TMPRSS15: variants seen among roughly 807,000 people sequenced by gnomAD.
The protein encoded by TMPRSS15 is transmembrane serine protease 15.
A neutral mutation model predicts 125.3 loss-of-function variants in TMPRSS15; 128 were observed. The ratio of observed to expected loss-of-function variants is 1.02; its 90% confidence interval spans 0.89 to 1.18. The LOEUF is 1.18. TMPRSS15 is among the 50% of genes most tolerant of loss of function. The pLI, the probability that TMPRSS15 is intolerant of heterozygous loss-of-function variation, is 0.00. For synonymous variants in TMPRSS15, 446 were observed against 423.2 expected, an observed-to-expected ratio of 1.05 and a Z score of -0.66; for missense variants, 1,283 against 1,212.7, an observed-to-expected ratio of 1.06 and a Z score of -0.86.
intron 1 of TMPRSS15, among the ~76,000 whole-genome samples, chr21:18,436,464 A>G (rs2076228111): frequency 1.3e-5 from 2 of 152,056 alleles, no homozygotes; most frequent in African/African-American, 4.8e-5. Flanking sequence ...CTTAATCTTG[A>G]GTTCTAGTTT....
chr21:18,304,609 A>G (rs1176097486), intron 18 of TMPRSS15, among the ~76,000 whole-genome samples: 1 of 152,192 alleles, frequency 6.6e-6, no homozygotes, highest in African/African-American at 2.4e-5. Context: ...ATTATTAGCA[A>G]CATCTATAAT....
chr21:18,409,437 A>G (rs986598076), intron 1 of TMPRSS15, among the ~76,000 whole-genome samples: 1 of 152,082 alleles, frequency 6.6e-6, no homozygotes, highest in African/African-American at 2.4e-5. Flanking sequence ...ACTAGAATTC[A>G]TAATGGGGTT....
Position 18,315,056 on chromosome 21 carries a change from A to G in TMPRSS15, c.2032+90T>C, listed in dbSNP as rs1470397859. ...TTCCAAAGCATCAAAACAGGTCCTA[A>G]TAGACACAGTTATAATCTTTCTTTG... On this transcript the variant is annotated intron_variant, in intron 17 of 24. Transcript: ENST00000284885. 3.2e-5 allele frequency: 34 copies of G among 1,055,526 alleles called. No individual in the cohort carries two copies. The East Asian group carries it at 7.8e-4, about 24-fold the overall frequency. 65.4% of individuals were successfully genotyped at this position (1,055,526 alleles called of 1,614,324 possible). A position where few individuals can be genotyped will look rare whatever the true frequency, so the allele number is the denominator to read the frequency against.
intron 3 of TMPRSS15, among the ~76,000 whole-genome samples, chr21:18,391,841 C>T (rs1170232287): frequency 6.6e-6 from 1 of 152,242 alleles, no homozygotes; most frequent in Non-Finnish European, 1.5e-5. Context: ...TTCCATACAT[C>T]CTCTGAAATC....
chr21:18,362,635 GATTAA>G (rs1011692233), intron 7 of TMPRSS15, among the ~76,000 whole-genome samples: 3 of 151,934 alleles, frequency 2.0e-5, no homozygotes, highest in African/African-American at 4.8e-5. Context: ...TTTTTGAAGG[GATTAA>G]ATTAAATTTC....
At chr21:18,316,636 G>A (rs546844124) in intron 16 of TMPRSS15, among the ~76,000 whole-genome samples, 1 of 152,164 alleles carries the variant, frequency 6.6e-6, no homozygotes, top group Non-Finnish European at 1.5e-5. Context: ...GAAAAACCTG[G>A]GCAAAGAAGA....
intron 24 of TMPRSS15, among the ~76,000 whole-genome samples, chr21:18,272,091 T>C (rs960865413): frequency 6.6e-6 from 1 of 152,176 alleles, no homozygotes; most frequent in African/African-American, 2.4e-5. Context: ...AGTAAAGGGA[T>C]TGCTGGGTCA....
At chr21:18,408,874 T>G (rs1454889602) in intron 1 of TMPRSS15, among the ~76,000 whole-genome samples, 1 of 152,146 alleles carries the variant, frequency 6.6e-6, no homozygotes, top group Non-Finnish European at 1.5e-5. Context: ...TTGGTGCTAT[T>G]CTCTGGTACT....
At chr21:18,449,495 A>G (rs1436887530) in intron 1 of TMPRSS15, among the ~76,000 whole-genome samples, 1 of 152,110 alleles carries the variant, frequency 6.6e-6, no homozygotes, top group Non-Finnish European at 1.5e-5. Context: ...TCCTGAGTTT[A>G]ATATCCAATG....
intron 6 of TMPRSS15, 57 bp downstream of exon 6, chr21:18,372,136 G>C: frequency 1.4e-6 from 2 of 1,464,406 alleles, no homozygotes; most frequent in South Asian, 2.3e-5. Context: ...GTGTGTGTGT[G>C]TGTCTACAGT....
intron 16 of TMPRSS15, among the ~76,000 whole-genome samples, chr21:18,322,098 A>G (rs751266144): frequency 6.6e-6 from 1 of 152,226 alleles, no homozygotes; most frequent in Non-Finnish European, 1.5e-5. Context: ...TTGCGTTGAG[A>G]GAAATACATT....
intron 16 of TMPRSS15, 54 bp from the exon 17 acceptor site, chr21:18,315,310 T>C: frequency 3.4e-6 from 5 of 1,453,382 alleles, no homozygotes; most frequent in Non-Finnish European, 4.8e-6. Context: ...AATGGATGAT[T>C]CTGGAGTACA....
rs1291998871 is a variant in TMPRSS15 at position 18,269,362 on chromosome 21, T to TTAAC, written c.*603_*606dup. 1 of 152,378 alleles carries TTAAC rather than the reference T, an allele frequency of 6.6e-6. No homozygotes were observed. 9.4% of individuals were successfully genotyped at this position (152,378 alleles called of 1,614,324 possible). Reference sequence around the variant, plus strand: ...ATCAGTTAATTTATCTTTTATTTAATTAACTTATTTAAGAGGAACGTAAAA... The same window carrying TTAAC: ...ATCAGTTAATTTATCTTTTATTTAATTAACTAACTTATTTAAGAGGAACGTAAAA... On this transcript the variant is annotated 3_prime_UTR_variant, in exon 25 of 25. Coordinates refer to ENST00000284885, the MANE Select transcript of TMPRSS15 (RefSeq NM_002772.3).
At chr21:18,273,638 C>G (rs1346392402) in intron 24 of TMPRSS15, among the ~76,000 whole-genome samples, 1 of 152,178 alleles carries the variant, frequency 6.6e-6, no homozygotes. Context: ...CGTGAGGTGT[C>G]TGCCACACAA....
chr21:18,327,926 G>A (rs1028055746), intron 15 of TMPRSS15, among the ~76,000 whole-genome samples: 6 of 151,986 alleles, frequency 3.9e-5, no homozygotes, highest in South Asian at 2.1e-4. Flanking sequence ...GGTGGTGGGC[G>A]CCTGTAATCC....
intron 8 of TMPRSS15, among the ~76,000 whole-genome samples, chr21:18,354,778 T>C (rs1601381527): frequency 6.6e-6 from 1 of 151,740 alleles, no homozygotes; most frequent in Non-Finnish European, 1.5e-5. Flanking sequence ...TAACAAACAA[T>C]GCATTAGCAT....
intron 18 of TMPRSS15, among the ~76,000 whole-genome samples, chr21:18,308,476 A>G (rs2824729): frequency 0.12 from 18,934 of 152,068 alleles, 1,595 homozygotes; most frequent in East Asian, 0.33. Flanking sequence ...ACTATTTATA[A>G]AAAATATGCT....
intron 9 of TMPRSS15, 72 bp from the exon 10 acceptor site, chr21:18,353,124 G>T: frequency 7.5e-7 from 1 of 1,341,776 alleles, no homozygotes; most frequent in Non-Finnish European, 1.1e-6. Flanking sequence ...AGATTGTATT[G>T]AAAATAATCT....
At chr21:18,482,093 T>C (rs1304901051) in intron 1 of TMPRSS15, among the ~76,000 whole-genome samples, 2 of 151,510 alleles carry the variant, frequency 1.3e-5, no homozygotes, top group African/African-American at 4.8e-5. Context: ...TATATACATC[T>C]TCACTTCTAA....
Sources: gnomAD v4.1 joint callset for allele counts (sites outside exome capture counted in the v4.1 genomes callset) on GRCh38, gnomAD v4.1.1 for gene constraint, MANE v1.5 for transcripts, NCBI Gene and HGNC (gene_info 2026-07-23, HGNC 2026-07-21) for gene names.